The following GAPDH variants were observed in gnomAD, a reference collection of about 807,000 sequenced individuals.
The protein encoded by GAPDH is glyceraldehyde-3-phosphate dehydrogenase.
A neutral mutation model predicts 31.2 loss-of-function variants in GAPDH; 13 were observed. That is an observed-to-expected ratio of 0.42 (90% confidence interval 0.27 to 0.66). The LOEUF is 0.66. GAPDH is among the 30% of genes least tolerant of loss of function. The probability of loss-of-function intolerance (pLI) is 0.26; values close to 1 mark genes in which losing one functional copy is unlikely to be tolerated. For missense variants in GAPDH, 300 were observed against 443.7 expected (o/e 0.68, Z 2.91); for synonymous variants, 211 against 166.9 (o/e 1.26, Z -2.04).
Position 6,537,123 on chromosome 12 carries a change from A to C in GAPDH, c.350A>C (p.Lys117Thr). The C allele has an allele frequency of 6.2e-7, 1 of 1,613,948 alleles. No homozygotes were observed. Among genetic ancestry groups the C allele is most frequent in the Non-Finnish European group, 8.5e-7 (1 of 1,179,962 alleles). ...TAGGCTCATTTGCAGGGGGGAGCCA[A>C]AAGGGTCATCATCTCTGCCCCCTCT... ...KAGAHLQGGA[K>T]RVIISAPSAD... Residue 117 changes from lysine to threonine, a missense_variant, in exon 6 of 9, where the codon AAA becomes ACA. By Grantham distance (78) the Lys-to-Thr change is moderately conservative. Transcript: ENST00000229239. This position sits in a 1 kb window ranked among gnomAD's most constrained non-coding sequence, Gnocchi z 4.9.
chr12:6,535,454 C>T (rs980526486), intron 2 of GAPDH: 14 of 987,200 alleles, frequency 1.4e-5, no homozygotes, highest in African/African-American at 1.7e-5. Flanking sequence ...TGATGCTTTT[C>T]CTAGATTATT....
chr12:6,536,869 C>A (rs774807547), intron 4 of GAPDH, 51 bp from the exon 5 acceptor site: 2 of 1,588,670 alleles, frequency 1.3e-6, no homozygotes, highest in Non-Finnish European at 8.6e-7. Flanking sequence ...TATATGGTAA[C>A]CTTGTGTCCC....
chr12:6,535,333 T>C, intron 2 of GAPDH: 1 of 994,294 alleles, frequency 1.0e-6, no homozygotes, highest in Non-Finnish European at 1.2e-6. Flanking sequence ...TGGGCAGCCG[T>C]TAGGAAAGCC....
intron 2 of GAPDH, chr12:6,535,585 G>A (rs1946445882): frequency 2.4e-6 from 1 of 416,784 alleles, no homozygotes; most frequent in Non-Finnish European, 3.2e-6. Flanking sequence ...GTTGGAAAAG[G>A]ACATTTCCAC....
chr12:6,535,524 G>C, intron 2 of GAPDH: 2 of 877,328 alleles, frequency 2.3e-6, no homozygotes. Context: ...CCCCGCAGAG[G>C]TGTGGTGGCT....
In GAPDH at chr12:6,535,052, C is replaced by T. The variant is rs540111374; in HGVS notation, c.29+191C>T. On this transcript the variant is annotated intron_variant, in intron 2 of 8. Transcript: ENST00000229239. The stretch of plus-strand genomic sequence containing the variant: ...GCTGTGGCGCCCTGTGCAGCTCCGC[C>T]CTTGCGGCGCCATCTGCCCGGAGCC... 198 of 789,188 alleles carry T rather than the reference C, an allele frequency of 2.5e-4. 3 individuals are homozygous for T. The South Asian group carries it at 3.4e-3, about 13-fold the overall frequency. The allele number at this position is 789,188 out of a possible 1,614,324, so 48.9% of individuals were successfully genotyped here.
At chr12:6,535,494 G>A in intron 2 of GAPDH, 1 of 972,714 alleles carries the variant, frequency 1.0e-6, no homozygotes, top group Non-Finnish European at 1.2e-6. Context: ...TGGGTTTATG[G>A]AGGTCCTCTT....
Position 6,537,724 on chromosome 12 carries a change from T to C in GAPDH, c.666T>C (p.Pro222=), listed in dbSNP as rs1481794442. ...GAAKAVGKVI[P]ELNGKLTGMA... ...CCAAGGCTGTGGGCAAGGTCATCCC[T>C]GAGCTGAACGGGAAGCTCACTGGCA... is the stretch of plus-strand genomic sequence containing the variant. Residue 222 remains proline, a synonymous_variant, in exon 8 of 9, where the codon CCT becomes CCC. Coordinates refer to ENST00000229239, the MANE Select transcript of GAPDH (RefSeq NM_002046.7). This position sits in a 1 kb window ranked among gnomAD's most constrained non-coding sequence, Gnocchi z 4.9. 1 of 1,611,678 alleles carries C rather than the reference T, an allele frequency of 6.2e-7. No individual in the cohort carries two copies. Among genetic ancestry groups the C allele is most frequent in the Non-Finnish European group, 8.5e-7 (1 of 1,179,854 alleles).
chr12:6,538,248 T>A lies in GAPDH; in HGVS notation c.*78T>A, dbSNP rs1946535014. ...CACTGCTGGGGAGTCCCTGCCACAC[T>A]CAGTCCCCCACCACACTGAATCTCC... On this transcript the variant is annotated 3_prime_UTR_variant, in exon 9 of 9. Coordinates refer to ENST00000229239, the MANE Select transcript of GAPDH (RefSeq NM_002046.7). 8.7e-7 allele frequency: 1 copy of A among 1,153,428 alleles called. No homozygotes were observed. Among genetic ancestry groups the A allele is most frequent in the South Asian group, 1.2e-5 (1 of 82,428 alleles). The allele number at this position is 1,153,428 out of a possible 1,614,324, so 71.4% of individuals were successfully genotyped here.
rs370350073 is a variant in GAPDH at position 6,537,151 on chromosome 12, T to C, written c.378T>C (p.Ala126=). 9 of 1,613,774 alleles carry C rather than the reference T, an allele frequency of 5.6e-6. No homozygotes were observed. Among genetic ancestry groups the C allele is most frequent in the African/African-American group, 1.3e-5 (1 of 74,886 alleles). The part of the protein sequence containing the change: ...AKRVIISAPS[A]DAPMFVMGVN... ...GGGTCATCATCTCTGCCCCCTCTGC[T>C]GATGCCCCCATGTTCGTCATGGGTG... is the stretch of plus-strand genomic sequence containing the variant. The change falls in exon 6 of 9, where the codon GCT becomes GCC. Residue 126 remains alanine, a synonymous_variant. Transcript: ENST00000229239. The surrounding 1 kb of genome is among the most constrained non-coding windows in gnomAD (Gnocchi z 4.9).
chr12:6,534,916 C>G, intron 2 of GAPDH, 55 bp downstream of exon 2: 1 of 1,590,992 alleles, frequency 6.3e-7, no homozygotes, highest in Non-Finnish European at 8.6e-7. Flanking sequence ...CGAACCGCGT[C>G]TACGAGCCTT....
intron 4 of GAPDH, 48 bp from the exon 5 acceptor site, chr12:6,536,872 T>C (rs1221143528): frequency 6.3e-7 from 1 of 1,589,446 alleles, no homozygotes. Flanking sequence ...ATGGTAACCT[T>C]GTGTCCCTCA....
At chr12:6,535,158 T>G (rs1023649269) in intron 2 of GAPDH, 1 of 1,068,430 alleles carries the variant, frequency 9.4e-7, no homozygotes, top group South Asian at 2.6e-5. Flanking sequence ...GGGGACGCTT[T>G]CTTTCCTTTC....
chr12:6,535,090 T>A (rs3741918), intron 2 of GAPDH: 154,897 of 759,242 alleles, frequency 0.2, 16,848 homozygotes, highest in East Asian at 0.32. Context: ...CTTCCCCTAG[T>A]CCCCAGAAAC....
intron 1 of GAPDH, 60 bp from the exon 2 acceptor site, chr12:6,534,750 G>A (rs1946420101): frequency 2.8e-6 from 4 of 1,431,020 alleles, no homozygotes; most frequent in African/African-American, 1.4e-5. Context: ...GGGGAGGGGA[G>A]GGGAGGCGTG....
At chr12:6,534,665 G>C (rs966658483) in intron 1 of GAPDH, 96 bp downstream of exon 1, 1 of 745,476 alleles carries the variant, frequency 1.3e-6, no homozygotes, top group Non-Finnish European at 2.3e-6. Flanking sequence ...CTGCGGGGTG[G>C]GCCCGGGCGG....
In GAPDH at chr12:6,538,126, A is replaced by G. The variant is rs1480213530; in HGVS notation, c.964A>G (p.Asn322Asp). Residue 322 changes from asparagine to aspartate, a missense_variant, in exon 9 of 9, where the codon AAC becomes GAC. Coordinates refer to ENST00000229239, the MANE Select transcript of GAPDH (RefSeq NM_002046.7). ...SWYDNEFGYS[N>D]RVVDLMAHMA... ...GTATGACAACGAATTTGGCTACAGC[A>G]ACAGGGTGGTGGACCTCATGGCCCA... 1.2e-6 allele frequency: 2 copies of G among 1,613,558 alleles called. No homozygotes were observed. Among genetic ancestry groups the G allele is most frequent in the Non-Finnish European group, 1.7e-6 (2 of 1,179,996 alleles).
Position 6,536,690 on chromosome 12 carries a change from A to G in GAPDH, c.136A>G (p.Met46Val). ...CCCTCACGTATTCCCCCAGGTTTACATGTTCCAATATGATTCCACCCATGG... is the reference window on the plus strand; with the variant it reads ...CCCTCACGTATTCCCCCAGGTTTACGTGTTCCAATATGATTCCACCCATGG... ...PFIDLNYMVY[M>V]FQYDSTHGKF... Residue 46 changes from methionine to valine, a missense_variant, in exon 4 of 9, where the codon ATG becomes GTG. By Grantham distance (21) the Met-to-Val change is conservative. Coordinates refer to ENST00000229239, the MANE Select transcript of GAPDH (RefSeq NM_002046.7). The G allele has an allele frequency of 1.9e-6, 3 of 1,613,482 alleles. No homozygotes were observed. Among genetic ancestry groups the G allele is most frequent in the Admixed American group, 1.7e-5 (1 of 60,028 alleles).
chr12:6,537,445 C>G lies in GAPDH; in HGVS notation c.525+55C>G. The G allele has an allele frequency of 6.3e-7, 1 of 1,583,438 alleles. No homozygotes were observed. Among genetic ancestry groups the G allele is most frequent in the East Asian group, 2.2e-5 (1 of 44,694 alleles). On this transcript the variant is annotated intron_variant, in intron 7 of 8. Transcript: ENST00000229239. The surrounding 1 kb of genome is among the most constrained non-coding windows in gnomAD (Gnocchi z 4.9). ...TCCCACCTTTCTCATCCAAGACTGGCTCCTCCCTGCCGGGGCTGCGTGCAA... is the reference window on the plus strand; with the variant it reads ...TCCCACCTTTCTCATCCAAGACTGGGTCCTCCCTGCCGGGGCTGCGTGCAA...
Sources: allele counts gnomAD v4.1 joint callset, GRCh38; gene constraint gnomAD v4.1.1; non-coding constraint Gnocchi (gnomAD v3.1); transcripts MANE v1.5; gene names NCBI Gene and HGNC (gene_info 2026-07-23, HGNC 2026-07-21).